DCP1A: variants seen among roughly 807,000 people sequenced by gnomAD.
The protein encoded by DCP1A is decapping mRNA 1A.
DCP1A carries 20 observed loss-of-function variants against 58.0 expected under a neutral mutation model. The ratio of observed to expected loss-of-function variants is 0.34; its 90% CI spans 0.24 to 0.50. The LOEUF is 0.50. Ranked by LOEUF, DCP1A falls within the 20% of genes least tolerant of loss-of-function variation. The pLI, the probability that DCP1A is intolerant of heterozygous loss-of-function variation, is 0.98. For missense variants in DCP1A, 613 were observed against 712.2 expected, an observed-to-expected ratio of 0.86 and a Z score of 1.59; for synonymous variants, 285 against 275.1, an observed-to-expected ratio of 1.04 and a Z score of -0.36.
At chr3:53,345,024 G>T (rs897286719) in intron 1 of DCP1A, 82 bp from the exon 2 acceptor site, 2 of 1,045,858 alleles carry the variant, frequency 1.9e-6, no homozygotes, top group Non-Finnish European at 2.9e-6. Flanking sequence ...AATGCTTCAC[G>T]TTTAAGATCA....
chr3:53,313,963 A>G (rs1246210978), intron 4 of DCP1A, among the ~76,000 whole-genome samples: 1 of 152,116 alleles, frequency 6.6e-6, no homozygotes, highest in Non-Finnish European at 1.5e-5. Flanking sequence ...CAAAACTCCT[A>G]GTCTCAAGTG....
At chr3:53,336,018 T>G (rs1158026891) in intron 3 of DCP1A, among the ~76,000 whole-genome samples, 1 of 152,094 alleles carries the variant, frequency 6.6e-6, no homozygotes, top group Non-Finnish European at 1.5e-5. Context: ...CATGTTGGTC[T>G]TGAACTCCTG....
chr3:53,327,159 G>C (rs1292565932), intron 3 of DCP1A, among the ~76,000 whole-genome samples: 2 of 152,064 alleles, frequency 1.3e-5, no homozygotes, highest in Non-Finnish European at 2.9e-5. Context: ...GTCAGATGGG[G>C]TGTAAAAAAG....
intron 5 of DCP1A, among the ~76,000 whole-genome samples, chr3:53,309,781 A>G (rs1346306962): frequency 6.6e-6 from 1 of 152,256 alleles, no homozygotes; most frequent in Non-Finnish European, 1.5e-5. Flanking sequence ...AAAGAGTCTC[A>G]TTATTACAAG....
At chr3:53,288,328 G>GA in intron 8 of DCP1A, 45 bp from the exon 9 acceptor site, 1 of 1,507,288 alleles carries the variant, frequency 6.6e-7, no homozygotes, top group East Asian at 2.4e-5. Flanking sequence ...GCAGAAGCCA[G>GA]TAGCCAGGCC....
chr3:53,331,617 C>CA lies in DCP1A; in HGVS notation c.304+10526_304+10527insT, dbSNP rs1553691285. Among the ~76,000 whole-genome samples the CA allele has an allele frequency of 1.5e-4, 11 of 71,422 alleles. No homozygotes were observed. The East Asian group carries it at 2.4e-3, about 15-fold the overall frequency. 46.9% of individuals were successfully genotyped at this position (71,422 alleles called of 152,430 possible). ...TGCATACAACAAAACTGCCTAATGG[C>CA]GCCTTTAGGACATATCCCTGTTGTT... On this transcript the variant is annotated intron_variant, in intron 3 of 9. Coordinates refer to ENST00000610213, the MANE Select transcript of DCP1A (RefSeq NM_018403.7).
chr3:53,288,479 T>C (rs1444227580), intron 8 of DCP1A, 196 bp from the exon 9 acceptor site: 15 of 585,836 alleles, frequency 2.6e-5, no homozygotes, highest in Admixed American at 2.1e-4. Context: ...AGCTAAAGGA[T>C]GACCAGCCCA....
intron 2 of DCP1A, among the ~76,000 whole-genome samples, chr3:53,344,221 GC>G: frequency 6.6e-6 from 1 of 152,078 alleles, no homozygotes; most frequent in Admixed American, 6.5e-5. Context: ...GAAGGAACCT[GC>G]CCTTGTAAGA....
chr3:53,290,594 C>T, intron 8 of DCP1A, 197 bp downstream of exon 8: 1 of 660,892 alleles, frequency 1.5e-6, no homozygotes. Flanking sequence ...TACTTCACAT[C>T]CAGCAGAACT....
At chr3:53,344,387 A>C (rs1283484606) in intron 2 of DCP1A, among the ~76,000 whole-genome samples, 2 of 152,246 alleles carry the variant, frequency 1.3e-5, no homozygotes, top group Non-Finnish European at 2.9e-5. Context: ...AAAATAAAAA[A>C]TACGCCATCA....
chr3:53,331,949 T>A (rs1264130251), intron 3 of DCP1A, among the ~76,000 whole-genome samples: 2 of 152,226 alleles, frequency 1.3e-5, no homozygotes, highest in Non-Finnish European at 2.9e-5. Flanking sequence ...GCAAAATATT[T>A]GTGTTTCTTG....
At chr3:53,316,596 CTTTT>C (rs11351636) in intron 4 of DCP1A, among the ~76,000 whole-genome samples, 22 of 112,280 alleles carry the variant, frequency 2.0e-4, no homozygotes, top group Non-Finnish European at 1.9e-4. Flanking sequence ...TTCTTCTTCC[CTTTT>C]TTTTTTTTTT....
chr3:53,338,194 C>T, intron 3 of DCP1A: 1 of 433,016 alleles, frequency 2.3e-6, no homozygotes, highest in Non-Finnish European at 4.6e-6. Context: ...CACTGCTACT[C>T]AATAACTCCA....
chr3:53,293,527 T>C (rs1345338196), intron 6 of DCP1A, among the ~76,000 whole-genome samples: 6 of 152,174 alleles, frequency 3.9e-5, no homozygotes, highest in East Asian at 1.9e-4. Context: ...GCCCACGCGA[T>C]GCAGCAAGGG....
chr3:53,324,613 T>C (rs558350817), intron 3 of DCP1A, among the ~76,000 whole-genome samples: 1 of 152,300 alleles, frequency 6.6e-6, no homozygotes, highest in East Asian at 1.9e-4. Context: ...GCACACTGTT[T>C]TACAAATGGC....
chr3:53,303,956 G>A (rs1471383628), intron 6 of DCP1A, among the ~76,000 whole-genome samples: 1 of 152,198 alleles, frequency 6.6e-6, no homozygotes, highest in East Asian at 1.9e-4. Flanking sequence ...TTAAGAATAG[G>A]TAAGAAGCAA....
At chr3:53,332,590 C>T (rs572066668) in intron 3 of DCP1A, among the ~76,000 whole-genome samples, 2 of 152,100 alleles carry the variant, frequency 1.3e-5, no homozygotes, top group South Asian at 4.1e-4. Flanking sequence ...CTAGGCCGGG[C>T]GCGGTGGCTC....
chr3:53,302,753 A>G (rs1707350728), intron 6 of DCP1A, among the ~76,000 whole-genome samples: 1 of 151,800 alleles, frequency 6.6e-6, no homozygotes, highest in South Asian at 2.1e-4. Context: ...CTTCCCGAAT[A>G]GCTGGGATTA....
rs543218743 is a variant in DCP1A, at chr3:53,291,467, C to G, written c.1383+602G>C. Reference sequence around the variant, plus strand: ...TTGTATGCATTCACCATCCCCACCTCCCCCCACCTTCCCACTACCCTTCCC... The same window carrying G: ...TTGTATGCATTCACCATCCCCACCTGCCCCCACCTTCCCACTACCCTTCCC... On this transcript the variant is annotated intron_variant, in intron 7 of 9. Coordinates refer to ENST00000610213, the MANE Select transcript of DCP1A (RefSeq NM_018403.7). Among the ~76,000 whole-genome samples, 9 of 151,112 alleles carry G rather than the reference C, an allele frequency of 6.0e-5. No homozygotes were observed. In the East Asian group the frequency reaches 1.7e-3, roughly 29 times the overall value.
Sources: gnomAD v4.1 joint callset for allele counts (sites outside exome capture counted in the v4.1 genomes callset) on GRCh38, gnomAD v4.1.1 for gene constraint, MANE v1.5 for transcripts, NCBI Gene and HGNC (gene_info 2026-07-23, HGNC 2026-07-21) for gene names.